Variants in BAIAP2L1 observed in about 807,000 individuals in gnomAD.
BAIAP2L1 encodes the protein BAR/IMD domain containing adaptor protein 2 like 1.
Under a neutral mutation model 66.3 loss-of-function variants are expected in BAIAP2L1, and 35 were observed. That is an observed-to-expected ratio of 0.53 (90% CI 0.40 to 0.70). The LOEUF (loss-of-function observed/expected upper bound fraction) is 0.70. Ranked by LOEUF, BAIAP2L1 falls within the 30% of genes least tolerant of loss-of-function variation. BAIAP2L1 has a pLI of 0.00. For missense variants in BAIAP2L1, 622 were observed against 656.9 expected, an observed-to-expected ratio of 0.95 and a Z score of 0.58; for synonymous variants, 269 against 248.7, an observed-to-expected ratio of 1.08 and a Z score of -0.77.
intron 3 of BAIAP2L1, among the ~76,000 whole-genome samples, chr7:98,346,155 A>T (rs1801869082): frequency 6.6e-6 from 1 of 152,220 alleles, no homozygotes; most frequent in South Asian, 2.1e-4. Flanking sequence ...AAATAAATAC[A>T]ACAAAAAATT....
chr7:98,343,136 G>A (rs974953246), intron 3 of BAIAP2L1, among the ~76,000 whole-genome samples: 2 of 151,760 alleles, frequency 1.3e-5, no homozygotes, highest in Non-Finnish European at 2.9e-5. Context: ...AGTAGCTCAC[G>A]CCTGTAATCC....
At chr7:98,345,158 C>T (rs546634765) in intron 3 of BAIAP2L1, among the ~76,000 whole-genome samples, 29 of 151,976 alleles carry the variant, frequency 1.9e-4, no homozygotes, top group African/African-American at 6.3e-4. Flanking sequence ...AATTTACATC[C>T]GCAATAAAGA....
chr7:98,297,028 C>T (rs145217924), intron 12 of BAIAP2L1, among the ~76,000 whole-genome samples: 1 of 152,342 alleles, frequency 6.6e-6, no homozygotes, highest in Non-Finnish European at 1.5e-5. Context: ...CAGGGCCCCG[C>T]GGGCACTGCC....
chr7:98,305,489 T>G (rs1231579068), intron 11 of BAIAP2L1, among the ~76,000 whole-genome samples: 1 of 152,148 alleles, frequency 6.6e-6, no homozygotes, highest in East Asian at 1.9e-4. Flanking sequence ...TCTACCTGGC[T>G]AGCTGGATGG....
At chr7:98,331,576 C>A (rs1801496444) in intron 3 of BAIAP2L1, among the ~76,000 whole-genome samples, 1 of 145,358 alleles carries the variant, frequency 6.9e-6, no homozygotes, top group East Asian at 2.1e-4. Context: ...TCAAGCGATT[C>A]TCCTGCCTCA....
At chr7:98,349,374 A>G (rs1584475887) in intron 3 of BAIAP2L1, among the ~76,000 whole-genome samples, 1 of 152,118 alleles carries the variant, frequency 6.6e-6, no homozygotes. Flanking sequence ...TACTTCTAAG[A>G]CGGCACAAGA....
chr7:98,315,292 T>C (rs2116887579), intron 7 of BAIAP2L1, among the ~76,000 whole-genome samples, 168 bp downstream of exon 7: 1 of 152,276 alleles, frequency 6.6e-6, no homozygotes, highest in Non-Finnish European at 1.5e-5. Context: ...TGGCTAGTTT[T>C]TTTTTTATTA....
chr7:98,374,460 C>T (rs763337750), intron 1 of BAIAP2L1, among the ~76,000 whole-genome samples: 69 of 152,094 alleles, frequency 4.5e-4, no homozygotes, highest in Non-Finnish European at 7.8e-4. Context: ...CTACCAGCAG[C>T]GAGAGGTGGG....
At chr7:98,300,951 A>G (rs1218162704) in intron 12 of BAIAP2L1, among the ~76,000 whole-genome samples, 1 of 152,088 alleles carries the variant, frequency 6.6e-6, no homozygotes, top group Non-Finnish European at 1.5e-5. Flanking sequence ...CGTCCCAGGA[A>G]CCCTGGCCTC....
intron 3 of BAIAP2L1, among the ~76,000 whole-genome samples, chr7:98,333,238 T>G (rs1312931365): frequency 6.6e-6 from 1 of 152,186 alleles, no homozygotes; most frequent in Non-Finnish European, 1.5e-5. Context: ...TGGCAGGGAC[T>G]TCTGTTTCAT....
At chr7:98,339,742 A>G (rs952800409) in intron 3 of BAIAP2L1, among the ~76,000 whole-genome samples, 3 of 152,156 alleles carry the variant, frequency 2.0e-5, no homozygotes, top group African/African-American at 4.8e-5. Flanking sequence ...CCACTCCCCA[A>G]TTTGGGTGTC....
intron 1 of BAIAP2L1, among the ~76,000 whole-genome samples, chr7:98,394,356 G>A (rs1028512161): frequency 6.6e-6 from 1 of 152,176 alleles, no homozygotes; most frequent in African/African-American, 2.4e-5. Context: ...TCTTCCTCTA[G>A]TGACTACCAC....
chr7:98,367,798 A>G (rs1802420390), intron 1 of BAIAP2L1, among the ~76,000 whole-genome samples: 1 of 151,590 alleles, frequency 6.6e-6, no homozygotes, highest in South Asian at 2.1e-4. Context: ...CAATTTTTGC[A>G]TTTTTAATAG....
chr7:98,307,650 C>G lies in BAIAP2L1; in HGVS notation c.1163+39G>C, dbSNP rs1479910826. 1.9e-6 allele frequency: 3 copies of G among 1,608,248 alleles called. No individual in the cohort carries two copies. In the East Asian group the frequency reaches 6.7e-5, roughly 36 times the overall value. ...CTTGGCTGCTCTGGAAGGGAGGGGC[C>G]GTCTGGTGCCCTGCGGGGACCATCA... On this transcript the variant is annotated intron_variant, in intron 10 of 13. Coordinates refer to ENST00000005260, the MANE Select transcript of BAIAP2L1 (RefSeq NM_018842.5).
intron 1 of BAIAP2L1, among the ~76,000 whole-genome samples, chr7:98,373,238 A>T (rs1802551104): frequency 6.6e-6 from 1 of 152,208 alleles, no homozygotes; most frequent in African/African-American, 2.4e-5. Flanking sequence ...CATACCCATC[A>T]TGAATTTGGA....
chr7:98,382,838 T>C (rs908026404), intron 1 of BAIAP2L1, among the ~76,000 whole-genome samples: 3 of 152,188 alleles, frequency 2.0e-5, no homozygotes, highest in African/African-American at 7.2e-5. Flanking sequence ...GTAATGCCTA[T>C]AAGACTGAAG....
chr7:98,332,848 C>T lies in BAIAP2L1; in HGVS notation c.215-12550G>A, dbSNP rs563282099. ...AAAAAAAAAGTTAGCTGGCATCTCT[C>T]CTCAGTTGACAACCTCCAGAAGCCC... On this transcript the variant is annotated intron_variant, in intron 3 of 13. Transcript: ENST00000005260. Among the ~76,000 whole-genome samples the T allele has an allele frequency of 1.9e-3, 292 of 150,634 alleles. 4 individuals are homozygous for T. The highest frequency in any genetic ancestry group is 0.015 in the South Asian group (71 of 4,760).
intron 2 of BAIAP2L1, among the ~76,000 whole-genome samples, chr7:98,360,309 C>T (rs1802240577): frequency 6.6e-6 from 1 of 151,542 alleles, no homozygotes; most frequent in East Asian, 1.9e-4. Flanking sequence ...TCCCAAAGTG[C>T]TGGAATTACA....
At chr7:98,295,410 G>GCCCA (rs1800150279) in intron 12 of BAIAP2L1, among the ~76,000 whole-genome samples, 1 of 152,210 alleles carries the variant, frequency 6.6e-6, no homozygotes, top group African/African-American at 2.4e-5. Context: ...TTAAATGGCC[G>GCCCA]CAAAAGTGAC....
Sources: gnomAD v4.1 joint callset for allele counts (sites outside exome capture counted in the v4.1 genomes callset) on GRCh38, gnomAD v4.1.1 for gene constraint, MANE v1.5 for transcripts, NCBI Gene and HGNC (gene_info 2026-07-23, HGNC 2026-07-21) for gene names.